Variants in TMEM268 observed in about 807,000 individuals in gnomAD.
TMEM268 encodes the protein transmembrane protein 268, also known as transmembrane protein C9orf91.
A neutral mutation model predicts 39.1 loss-of-function variants in TMEM268; 24 were observed. The observed-to-expected ratio is 0.61, with a 90% CI of 0.44 to 0.86. The LOEUF is 0.86. Among genes scored for constraint, TMEM268 ranks in the 40% least tolerant of loss-of-function variants. TMEM268 has a pLI of 0.00. For synonymous variants in TMEM268, 176 were observed against 173.5 expected (o/e 1.01, Z -0.12); for missense variants, 409 against 428.6 (o/e 0.95, Z 0.40).
chr9:114,619,808 A>G (rs1845874247), intron 2 of TMEM268, among the ~76,000 whole-genome samples: 1 of 152,174 alleles, frequency 6.6e-6, no homozygotes, highest in Admixed American at 6.5e-5. Context: ...ATGAAGCCCA[A>G]GCATAGTGCC....
chr9:114,618,882 T>C (rs4978601), intron 2 of TMEM268, among the ~76,000 whole-genome samples: 136,970 of 152,170 alleles, frequency 0.9, 61,689 homozygotes, highest in East Asian at 1. Context: ...GGAAGGGGCT[T>C]CTGTCTTTTT....
chr9:114,638,019 A>G (rs1846718870), intron 7 of TMEM268, among the ~76,000 whole-genome samples: 1 of 152,228 alleles, frequency 6.6e-6, no homozygotes, highest in Admixed American at 6.5e-5. Context: ...TGCTTTGAGC[A>G]AGTGAGAGCA....
chr9:114,627,992 C>T, intron 4 of TMEM268, 109 bp from the exon 5 acceptor site: 1 of 1,210,098 alleles, frequency 8.3e-7, no homozygotes, highest in Non-Finnish European at 1.2e-6. Context: ...TGTGAGCTGT[C>T]TGAATCCAAG....
At chr9:114,632,739 C>G (rs538724180) in intron 5 of TMEM268, among the ~76,000 whole-genome samples, 32 of 152,270 alleles carry the variant, frequency 2.1e-4, no homozygotes, top group Non-Finnish European at 4.4e-4. Context: ...TCCCATCTTC[C>G]GCAAATATCT....
At chr9:114,623,126 C>A (rs1846016099) in intron 2 of TMEM268, among the ~76,000 whole-genome samples, 1 of 151,940 alleles carries the variant, frequency 6.6e-6, no homozygotes, top group South Asian at 2.1e-4. Context: ...AACAACAAGC[C>A]AAACCAACCA....
At chr9:114,625,537 TG>T (rs2133640866) in intron 3 of TMEM268, among the ~76,000 whole-genome samples, 1 of 149,868 alleles carries the variant, frequency 6.7e-6, no homozygotes, top group South Asian at 2.1e-4. Flanking sequence ...CTGTGCTTCC[TG>T]GGTTCAAGTG....
At chr9:114,636,683 G>A (rs925536879) in intron 6 of TMEM268, among the ~76,000 whole-genome samples, 1 of 151,922 alleles carries the variant, frequency 6.6e-6, no homozygotes, top group African/African-American at 2.4e-5. Context: ...TGTATTTTTT[G>A]TAGAGATGGG....
chr9:114,638,854 A>G, intron 8 of TMEM268, 128 bp downstream of exon 8: 1 of 583,714 alleles, frequency 1.7e-6, no homozygotes, highest in South Asian at 4.4e-5. Flanking sequence ...ACACAAATCT[A>G]GCTCAGGAGT....
intron 3 of TMEM268, among the ~76,000 whole-genome samples, chr9:114,625,963 A>T (rs933431785): frequency 5.3e-5 from 8 of 151,408 alleles, no homozygotes; most frequent in African/African-American, 1.9e-4. Flanking sequence ...AGTAGCTGGG[A>T]TTACAGGCAC....
chr9:114,626,219 T>C (rs1846154448), intron 3 of TMEM268, among the ~76,000 whole-genome samples: 1 of 152,218 alleles, frequency 6.6e-6, no homozygotes, highest in Non-Finnish European at 1.5e-5. Context: ...TGCCTTGGTC[T>C]CCCAAAGTGC....
At chr9:114,637,417 G>A (rs145296745) in intron 7 of TMEM268, among the ~76,000 whole-genome samples, 12 of 150,926 alleles carry the variant, frequency 8.0e-5, no homozygotes, top group African/African-American at 2.9e-4. Context: ...CTCAGCCTCC[G>A]GAGTAGCTGG....
chr9:114,637,378 C>A (rs139799302), intron 7 of TMEM268, among the ~76,000 whole-genome samples: 4 of 150,650 alleles, frequency 2.7e-5, no homozygotes, highest in African/African-American at 9.8e-5. Context: ...CTGCAGCCTT[C>A]GCTTCGTGGG....
At chr9:114,632,017 G>A (rs1322219979) in intron 5 of TMEM268, among the ~76,000 whole-genome samples, 2 of 150,346 alleles carry the variant, frequency 1.3e-5, no homozygotes, top group African/African-American at 4.9e-5. Context: ...AGGAAGATCT[G>A]AGCTCAGGAG....
At chr9:114,612,561 C>T (rs1402275548) in intron 1 of TMEM268, among the ~76,000 whole-genome samples, 1 of 152,236 alleles carries the variant, frequency 6.6e-6, no homozygotes, top group Non-Finnish European at 1.5e-5. Context: ...CCCCTCCTGC[C>T]CTCTGCAGCT....
intron 5 of TMEM268, among the ~76,000 whole-genome samples, chr9:114,632,098 C>CA (rs57460241): frequency 0.27 from 20,594 of 77,108 alleles, 1,890 homozygotes; most frequent in Middle Eastern, 0.37. Flanking sequence ...ACTAGGTCTC[C>CA]AAAAAAAAAA....
intron 2 of TMEM268, among the ~76,000 whole-genome samples, chr9:114,621,161 C>A (rs1389709402): frequency 6.6e-6 from 1 of 151,502 alleles, no homozygotes; most frequent in African/African-American, 2.4e-5. Flanking sequence ...AACATAGTGA[C>A]CTCATCTCTA....
chr9:114,635,095 C>T (rs879861974), intron 6 of TMEM268, among the ~76,000 whole-genome samples: 42 of 152,234 alleles, frequency 2.8e-4, no homozygotes, highest in Non-Finnish European at 4.7e-4. Context: ...AATCCCAGCA[C>T]TTTGGGAGGC....
chr9:114,632,328 C>T (rs902975404), intron 5 of TMEM268, among the ~76,000 whole-genome samples: 1 of 152,156 alleles, frequency 6.6e-6, no homozygotes, highest in South Asian at 2.1e-4. Flanking sequence ...CACTAAGTGC[C>T]AGCACTGTCC....
At chr9:114,641,307 G>A (rs571520093) in intron 8 of TMEM268, among the ~76,000 whole-genome samples, 1 of 152,332 alleles carries the variant, frequency 6.6e-6, no homozygotes, top group Admixed American at 6.5e-5. Context: ...TGGCTGAGTT[G>A]AAACTCCCTC....
Sources: gnomAD v4.1 joint callset for allele counts (sites outside exome capture counted in the v4.1 genomes callset) on GRCh38, gnomAD v4.1.1 for gene constraint, MANE v1.5 for transcripts, NCBI Gene and HGNC (gene_info 2026-07-23, HGNC 2026-07-21) for gene names.